EPM2A: variants seen among roughly 807,000 people sequenced by gnomAD.
The protein encoded by EPM2A is EPM2A glucan phosphatase, laforin.
Under a neutral mutation model 26.5 loss-of-function variants are expected in EPM2A, and 21 were observed. The ratio of observed to expected loss-of-function variants is 0.79; its 90% CI spans 0.56 to 1.14. The LOEUF (loss-of-function observed/expected upper bound fraction) is 1.14. Among genes scored for constraint, EPM2A ranks in the 50% most tolerant of loss-of-function variants. The probability of loss-of-function intolerance (pLI) is 0.00; values close to 1 mark genes in which losing one functional copy is unlikely to be tolerated. For synonymous variants in EPM2A, 217 were observed against 177.6 expected, an observed-to-expected ratio of 1.22 and a Z score of -1.76; for missense variants, 458 against 440.8, an observed-to-expected ratio of 1.04 and a Z score of -0.35.
rs1041338744 is a variant in EPM2A at position 145,614,367 on chromosome 6, G to A, written c.340+20878C>T. Among the ~76,000 whole-genome samples, 8 of 152,188 alleles carry A rather than the reference G, an allele frequency of 5.3e-5. No individual in the cohort carries two copies. In the East Asian group the frequency reaches 1.5e-3, roughly 29 times the overall value. ...CTTTCTCCATATCAGTAATAAGACT[G>A]TTTTGCCTTCTTACTATATCTGTGT... On this transcript the variant is annotated intron_variant, in intron 2 of 3. Coordinates refer to the EPM2A transcript ENST00000450221.
intron 4 of EPM2A, among the ~76,000 whole-genome samples, chr6:145,452,883 T>C (rs1170831596): frequency 6.6e-6 from 1 of 152,184 alleles, no homozygotes; most frequent in African/African-American, 2.4e-5. Context: ...GGGAATCTCC[T>C]GGTGCTTTGC....
intron 2 of EPM2A, among the ~76,000 whole-genome samples, chr6:145,518,510 C>T (rs980848177): frequency 1.3e-5 from 2 of 150,822 alleles, no homozygotes; most frequent in East Asian, 2.0e-4. Flanking sequence ...CTTGCTTTGC[C>T]CTTTCCTGTC....
Position 145,573,621 on chromosome 6 carries a change from G to T in EPM2A, c.340+61624C>A, listed in dbSNP as rs554107516. Among the ~76,000 whole-genome samples the T allele has an allele frequency of 6.6e-5, 10 of 152,342 alleles. No homozygotes were observed. In the East Asian group the frequency reaches 1.9e-3, roughly 29 times the overall value. On this transcript the variant is annotated intron_variant, in intron 2 of 3. Transcript: ENST00000450221. ...GCAATCCCTCCAGGGATGCAATATT[G>T]TTTTCGATTTACTATTTTTTCTAGG...
intron 4 of EPM2A, among the ~76,000 whole-genome samples, chr6:145,393,621 C>A (rs1455296837): frequency 6.6e-6 from 1 of 152,010 alleles, no homozygotes; most frequent in Non-Finnish European, 1.5e-5. Context: ...ACGGTCTGAA[C>A]TCAAATAGAT....
chr6:145,394,458 C>G (rs1778378986), intron 4 of EPM2A, among the ~76,000 whole-genome samples: 1 of 152,150 alleles, frequency 6.6e-6, no homozygotes, highest in Admixed American at 6.5e-5. Flanking sequence ...CAACAAACCT[C>G]TACCCAATAT....
chr6:145,600,653 A>T (rs988892371), intron 2 of EPM2A, among the ~76,000 whole-genome samples: 2 of 152,068 alleles, frequency 1.3e-5, no homozygotes, highest in Non-Finnish European at 2.9e-5. Flanking sequence ...AGTTGCCTTG[A>T]TATTAAGCTT....
At chr6:145,615,687 T>C (rs533241438) in intron 2 of EPM2A, among the ~76,000 whole-genome samples, 4 of 151,958 alleles carry the variant, frequency 2.6e-5, no homozygotes, top group African/African-American at 9.7e-5. Context: ...ATATGGACAA[T>C]GAAATCCAAG....
At chr6:145,730,739 C>T (rs1776443109) in intron 1 of EPM2A, among the ~76,000 whole-genome samples, 1 of 152,068 alleles carries the variant, frequency 6.6e-6, no homozygotes, top group South Asian at 2.1e-4. Flanking sequence ...TCCAATCCAG[C>T]ATAGTTAATG....
intron 2 of EPM2A, among the ~76,000 whole-genome samples, chr6:145,555,735 T>C (rs1040533343): frequency 3.3e-5 from 5 of 152,174 alleles, no homozygotes; most frequent in Admixed American, 3.3e-4. Context: ...GATATGTATA[T>C]GTATTTATGT....
downstream of EPM2A, among the ~76,000 whole-genome samples, chr6:145,500,530 T>G (rs1304836181): frequency 6.6e-6 from 1 of 152,094 alleles, no homozygotes; most frequent in Non-Finnish European, 1.5e-5. Context: ...ACAATCCCCC[T>G]CCTGATCTAT....
chr6:145,683,988 G>A (rs1780738592), intron 2 of EPM2A, among the ~76,000 whole-genome samples: 2 of 151,904 alleles, frequency 1.3e-5, no homozygotes, highest in Non-Finnish European at 2.9e-5. Context: ...TGATTCAGGA[G>A]GAAAAAGTAT....
At chr6:145,657,373 G>A (rs1393975000) in intron 2 of EPM2A, among the ~76,000 whole-genome samples, 2 of 152,134 alleles carry the variant, frequency 1.3e-5, no homozygotes, top group Non-Finnish European at 2.9e-5. Flanking sequence ...ACAGGCACGA[G>A]CCACTGCACC....
At chr6:145,686,066 T>C in intron 2 of EPM2A, 56 bp downstream of exon 2, 3 of 1,486,368 alleles carry the variant, frequency 2.0e-6, no homozygotes, top group East Asian at 4.5e-5. Flanking sequence ...ATTTCCATTG[T>C]GCTAATGCTA....
At chr6:145,473,783 G>T (rs897324854) in intron 4 of EPM2A, among the ~76,000 whole-genome samples, 4 of 152,074 alleles carry the variant, frequency 2.6e-5, no homozygotes, top group African/African-American at 9.7e-5. Context: ...TGAAGGAAAA[G>T]AACTTTTACC....
intron 2 of EPM2A, among the ~76,000 whole-genome samples, chr6:145,570,614 G>A (rs1780941849): frequency 6.6e-6 from 1 of 152,202 alleles, no homozygotes; most frequent in Non-Finnish European, 1.5e-5. Context: ...ATTGATGACT[G>A]CCTTCTTCTA....
At chr6:145,612,598 C>T (rs915344682) in intron 2 of EPM2A, among the ~76,000 whole-genome samples, 2 of 151,434 alleles carry the variant, frequency 1.3e-5, no homozygotes, top group Non-Finnish European at 2.9e-5. Flanking sequence ...GGTGCCAGAC[C>T]ACTGCAATAA....
chr6:145,506,860 A>T (rs1779982660), intron 2 of EPM2A, among the ~76,000 whole-genome samples: 1 of 152,228 alleles, frequency 6.6e-6, no homozygotes, highest in South Asian at 2.1e-4. Flanking sequence ...TCAGTTCCTG[A>T]TTTTGTTAAA....
At chr6:145,516,819 A>T (rs1407895444) in intron 2 of EPM2A, among the ~76,000 whole-genome samples, 1 of 152,230 alleles carries the variant, frequency 6.6e-6, no homozygotes, top group African/African-American at 2.4e-5. Context: ...TAGAACTACC[A>T]TATAATCCAG....
rs147980763 is a variant in EPM2A, at chr6:145,387,910, G to C, written c.556-3813C>G. Among the ~76,000 whole-genome samples the C allele has an allele frequency of 6.6e-5, 10 of 152,074 alleles. No homozygotes were observed. In the East Asian group the frequency reaches 2.0e-3, roughly 30 times the overall value. ...ATGCGGGAAGGGTGGTTTTCTGTCA[G>C]GTTGAAGAGGTTGGACTGGAAATAA... is the stretch of plus-strand genomic sequence containing the variant. On this transcript the variant is annotated intron_variant, in intron 4 of 4. Transcript: ENST00000638717.
Sources: allele counts gnomAD v4.1 joint callset (sites outside exome capture counted in the v4.1 genomes callset), GRCh38; gene constraint gnomAD v4.1.1; transcripts MANE v1.5; gene names NCBI Gene and HGNC (gene_info 2026-07-23, HGNC 2026-07-21).